The following LRP1B variants were observed in gnomAD, a reference collection of about 807,000 sequenced individuals.
LRP1B encodes the protein low-density lipoprotein receptor-related protein 1B.
In LRP1B, 217 loss-of-function variants were observed where a neutral mutation model predicts 556.6. The observed-to-expected ratio is 0.39, with a 90% CI of 0.35 to 0.44. LRP1B has a LOEUF of 0.44. Ranked by LOEUF, LRP1B falls within the 20% of genes least tolerant of loss-of-function variation. The probability of loss-of-function intolerance (pLI) is 1.00; values close to 1 mark genes in which losing one functional copy is unlikely to be tolerated. For synonymous variants in LRP1B, 2,047 were observed against 1,865.8 expected (o/e 1.10, Z -2.50); for missense variants, 5,053 against 5,620.8 (o/e 0.90, Z 3.23).
intron 1 of LRP1B, among the ~76,000 whole-genome samples, chr2:142,097,380 AG>A (rs1376278594): frequency 1.3e-5 from 2 of 150,358 alleles, no homozygotes; most frequent in Non-Finnish European, 3.0e-5. Context: ...GTATTTATAA[AG>A]AAAGCATTGC....
At position 141,480,451 on chromosome 2, in the gene LRP1B, C is replaced by A. The variant is rs1573995904; in HGVS notation, c.288G>T (p.Leu96=). The A allele has an allele frequency of 6.2e-7, 1 of 1,613,958 alleles. No homozygotes were observed. Residue 96 remains leucine, a synonymous_variant, in exon 3 of 91, where the codon CTG becomes CTT. Transcript: ENST00000389484. ...GTNKCVHLSQ[L]CNGVLDCPDG... ...CTGGGCAGTCCAAGACACCATTGCA[C>A]AGCTGGGATAAATGAACACATTTGT...
intron 1 of LRP1B, among the ~76,000 whole-genome samples, chr2:142,093,226 G>A (rs72994125): frequency 0.026 from 3,896 of 152,036 alleles, 156 homozygotes; most frequent in African/African-American, 0.089. Context: ...CTTTCCTAGC[G>A]AACTATGAGT....
At chr2:141,482,430 A>C (rs761650546) in intron 2 of LRP1B, among the ~76,000 whole-genome samples, 19 of 152,106 alleles carry the variant, frequency 1.2e-4, no homozygotes, top group Non-Finnish European at 2.6e-4. Context: ...CCAAATGCAC[A>C]ACTCATTTTC....
intron 1 of LRP1B, among the ~76,000 whole-genome samples, chr2:141,916,853 C>T (rs796901194): frequency 5.3e-5 from 8 of 152,158 alleles, no homozygotes; most frequent in African/African-American, 1.9e-4. Flanking sequence ...ACATTCATAT[C>T]CCAAACCTCA....
At chr2:140,399,177 A>C (rs1395859265) in intron 66 of LRP1B, among the ~76,000 whole-genome samples, 5 of 120,134 alleles carry the variant, frequency 4.2e-5, no homozygotes, top group Admixed American at 2.3e-4. Context: ...ACACACACAC[A>C]CACACACACA....
At chr2:142,024,675 A>G (rs1453772402) in intron 1 of LRP1B, among the ~76,000 whole-genome samples, 1 of 145,660 alleles carries the variant, frequency 6.9e-6, no homozygotes, top group Non-Finnish European at 1.5e-5. Flanking sequence ...TTTTATTTAA[A>G]AAAACTAAAA....
At chr2:140,293,709 T>C (rs1333220461) in intron 84 of LRP1B, among the ~76,000 whole-genome samples, 1 of 152,152 alleles carries the variant, frequency 6.6e-6, no homozygotes, top group East Asian at 1.9e-4. Flanking sequence ...ATTTATTATG[T>C]TTTTGTCAGC....
intron 20 of LRP1B, among the ~76,000 whole-genome samples, chr2:140,945,862 C>A (rs1426988222): frequency 6.6e-6 from 1 of 151,948 alleles, no homozygotes; most frequent in Admixed American, 6.6e-5. Context: ...ATAAGTGAGA[C>A]CTAATTAAAC....
chr2:140,656,597 A>G (rs1684887055), intron 41 of LRP1B, among the ~76,000 whole-genome samples: 1 of 152,144 alleles, frequency 6.6e-6, no homozygotes, highest in African/African-American at 2.4e-5. Context: ...CTTTGTCGAA[A>G]CTACTGCTTT....
intron 2 of LRP1B, among the ~76,000 whole-genome samples, chr2:141,500,753 G>T (rs1683685299): frequency 6.6e-6 from 1 of 152,046 alleles, no homozygotes; most frequent in Non-Finnish European, 1.5e-5. Flanking sequence ...AGAACTAGGT[G>T]TATATAACAA....
At chr2:142,025,022 A>G (rs893615755) in intron 1 of LRP1B, among the ~76,000 whole-genome samples, 1 of 152,186 alleles carries the variant, frequency 6.6e-6, no homozygotes, top group Non-Finnish European at 1.5e-5. Flanking sequence ...TGTGTGGGAA[A>G]GAAAACCAAA....
chr2:141,797,323 G>A (rs745360518), intron 2 of LRP1B, among the ~76,000 whole-genome samples: 15 of 151,458 alleles, frequency 9.9e-5, no homozygotes, highest in Non-Finnish European at 1.8e-4. Context: ...GAGACACAAA[G>A]AGAGGAAAAG....
At chr2:141,706,549 G>T (rs1338166919) in intron 2 of LRP1B, among the ~76,000 whole-genome samples, 3 of 151,972 alleles carry the variant, frequency 2.0e-5, no homozygotes, top group Non-Finnish European at 4.4e-5. Context: ...AAGTCCTCTG[G>T]CAGACTGAAG....
intron 7 of LRP1B, among the ~76,000 whole-genome samples, chr2:141,075,486 C>A (rs1204784322): frequency 6.6e-6 from 1 of 151,968 alleles, no homozygotes; most frequent in African/African-American, 2.4e-5. Flanking sequence ...TGACCAAGGG[C>A]AGTGCTATTT....
At position 140,450,671 on chromosome 2, in the gene LRP1B, G is replaced by GA; in HGVS notation, c.9964-11dup. 2 of 1,558,140 alleles carry GA rather than the reference G, an allele frequency of 1.3e-6. No individual in the cohort carries two copies. ...CAGTTTTGCAACGAAACTTAAAAAAGAAAAAAAGAAAAAAAAATGTTGAAG... is the reference window on the plus strand; with the variant it reads ...CAGTTTTGCAACGAAACTTAAAAAAGAAAAAAAAGAAAAAAAAATGTTGAAG... On this transcript the variant is annotated splice_polypyrimidine_tract_variant and intron_variant, in intron 62 of 90. Coordinates refer to ENST00000389484, the MANE Select transcript of LRP1B (RefSeq NM_018557.3).
At chr2:141,699,958 A>G (rs1262662834) in intron 2 of LRP1B, among the ~76,000 whole-genome samples, 1 of 150,666 alleles carries the variant, frequency 6.6e-6, no homozygotes, top group African/African-American at 2.4e-5. Flanking sequence ...TAAGAAAAAG[A>G]TTCAACCAAA....
At chr2:141,949,542 A>G (rs1701050713) in intron 1 of LRP1B, among the ~76,000 whole-genome samples, 1 of 152,118 alleles carries the variant, frequency 6.6e-6, no homozygotes, top group African/African-American at 2.4e-5. Flanking sequence ...GGTGCTCACC[A>G]CCATGCCCAG....
chr2:141,598,160 T>C (rs1241611487), intron 2 of LRP1B, among the ~76,000 whole-genome samples: 4 of 151,906 alleles, frequency 2.6e-5, no homozygotes, highest in African/African-American at 7.2e-5. Context: ...TGGATGAGGG[T>C]TTCTTTTATA....
intron 77 of LRP1B, among the ~76,000 whole-genome samples, chr2:140,338,896 A>C (rs966727554): frequency 1.4e-4 from 22 of 151,868 alleles, no homozygotes; most frequent in African/African-American, 5.3e-4. Context: ...CTAGCTCACT[A>C]GACAGGCACA....
Sources: gnomAD v4.1 joint callset for allele counts (sites outside exome capture counted in the v4.1 genomes callset) on GRCh38, gnomAD v4.1.1 for gene constraint, MANE v1.5 for transcripts, NCBI Gene and HGNC (gene_info 2026-07-23, HGNC 2026-07-21) for gene names.